The following GRM7 variants were observed in gnomAD, a reference collection of about 807,000 sequenced individuals.
GRM7 encodes glutamate metabotropic receptor 7.
GRM7 carries 35 observed loss-of-function variants against 84.5 expected under a neutral mutation model. The ratio of observed to expected loss-of-function variants is 0.41; its 90% confidence interval spans 0.32 to 0.55. The LOEUF (loss-of-function observed/expected upper bound fraction) is 0.55. Among genes scored for constraint, GRM7 ranks in the 20% least tolerant of loss-of-function variants. The pLI, the probability that GRM7 is intolerant of heterozygous loss-of-function variation, is 0.19. For synonymous variants in GRM7, 487 were observed against 455.1 expected (o/e 1.07, Z -0.89); for missense variants, 1,003 against 1,194.6 (o/e 0.84, Z 2.36).
At chr3:7,469,379 G>A (rs576131616) in intron 7 of GRM7, among the ~76,000 whole-genome samples, 42 of 152,194 alleles carry the variant, frequency 2.8e-4, no homozygotes, top group Admixed American at 1.1e-3. Context: ...AGAAAAGGAG[G>A]GAAAGAAATA....
chr3:7,240,124 T>TTTTTTTG (rs1559520726), intron 2 of GRM7, among the ~76,000 whole-genome samples: 2 of 132,288 alleles, frequency 1.5e-5, no homozygotes, highest in Non-Finnish European at 3.1e-5. Flanking sequence ...TGTGAGGTTT[T>TTTTTTTG]TTTTTTTTTT....
intron 9 of GRM7, among the ~76,000 whole-genome samples, chr3:7,737,459 G>A (rs976877451): frequency 2.0e-5 from 3 of 152,266 alleles, no homozygotes; most frequent in Admixed American, 2.0e-4. Flanking sequence ...CTTAGCAAGT[G>A]CTTCATTGCG....
intron 1 of GRM7, among the ~76,000 whole-genome samples, chr3:6,969,095 T>TC (rs1693637814): frequency 6.6e-6 from 1 of 150,524 alleles, no homozygotes; most frequent in African/African-American, 2.5e-5. Flanking sequence ...GGTGTTTTTT[T>TC]TTTCTTTCTT....
intron 8 of GRM7, among the ~76,000 whole-genome samples, chr3:7,679,419 T>C (rs1700268510): frequency 6.6e-6 from 1 of 152,120 alleles, no homozygotes. Flanking sequence ...TGCATCTCAT[T>C]AGTAATTTGA....
intron 1 of GRM7, among the ~76,000 whole-genome samples, chr3:7,087,726 T>C (rs549929275): frequency 6.6e-6 from 1 of 152,176 alleles, no homozygotes; most frequent in Non-Finnish European, 1.5e-5. Context: ...TTTATAGTTG[T>C]GGTACGAGGA....
intron 1 of GRM7, among the ~76,000 whole-genome samples, chr3:7,096,654 T>C (rs1399702702): frequency 6.6e-6 from 1 of 152,126 alleles, no homozygotes; most frequent in Non-Finnish European, 1.5e-5. Flanking sequence ...TCAACTCAAC[T>C]TACAGCCCTT....
chr3:7,290,592 C>G (rs1245247887), intron 2 of GRM7, among the ~76,000 whole-genome samples: 1 of 152,162 alleles, frequency 6.6e-6, no homozygotes, highest in Non-Finnish European at 1.5e-5. Flanking sequence ...AGGTGTGGTC[C>G]TCACTGGCAG....
chr3:7,483,546 A>T (rs1266485474), intron 7 of GRM7, among the ~76,000 whole-genome samples: 1 of 152,214 alleles, frequency 6.6e-6, no homozygotes, highest in Admixed American at 6.5e-5. Flanking sequence ...ACTCAGAGAT[A>T]GACAAAGGCC....
intron 7 of GRM7, among the ~76,000 whole-genome samples, chr3:7,479,377 C>T (rs914662857): frequency 6.6e-6 from 1 of 151,860 alleles, no homozygotes; most frequent in East Asian, 2.0e-4. Context: ...TTATACCTAA[C>T]AATAGCAAGA....
At chr3:7,250,480 T>C (rs2124937526) in intron 2 of GRM7, among the ~76,000 whole-genome samples, 2 of 151,552 alleles carry the variant, frequency 1.3e-5, no homozygotes, top group East Asian at 1.9e-4. Flanking sequence ...CCTATACACA[T>C]ATATATTTTT....
chr3:7,627,384 G>C (rs181867260), intron 8 of GRM7, among the ~76,000 whole-genome samples: 55 of 152,194 alleles, frequency 3.6e-4, no homozygotes, highest in African/African-American at 1.3e-3. Context: ...CTGTTTCAGA[G>C]GTTCTCATTA....
intron 5 of GRM7, among the ~76,000 whole-genome samples, chr3:7,451,608 T>G (rs1382067735): frequency 6.6e-6 from 1 of 152,142 alleles, no homozygotes; most frequent in Non-Finnish European, 1.5e-5. Context: ...CTGACAAGCC[T>G]GGGCCATCAT....
intron 2 of GRM7, among the ~76,000 whole-genome samples, chr3:7,250,531 G>A (rs58901625): frequency 1 from 151,292 of 151,302 alleles, 75,641 homozygotes; most frequent in Middle Eastern, 1. Flanking sequence ...TTATTATTTG[G>A]AAAAAATCCA....
intron 8 of GRM7, among the ~76,000 whole-genome samples, chr3:7,633,532 G>A (rs370558785): frequency 6.6e-6 from 1 of 152,164 alleles, no homozygotes; most frequent in East Asian, 1.9e-4. Context: ...TGCATAGCGG[G>A]GTGTGTGTGG....
At position 7,336,877 on chromosome 3, in the gene GRM7, G is replaced by A. The variant is rs867146954; in HGVS notation, c.1033+30225G>A. The stretch of plus-strand genomic sequence containing the variant: ...TCTACAAGGAAAACTACAAAACACT[G>A]CTGAAAAAAAATCATAGACAACACA... On this transcript the variant is annotated intron_variant, in intron 4 of 9. Transcript: ENST00000357716. Among the ~76,000 whole-genome samples the A allele has an allele frequency of 3.3e-5, 5 of 151,730 alleles. No individual in the cohort carries two copies. In the South Asian group the frequency reaches 8.3e-4, roughly 25 times the overall value.
intron 8 of GRM7, among the ~76,000 whole-genome samples, chr3:7,590,120 CCT>C (rs763050335): frequency 1.9e-4 from 29 of 152,264 alleles, no homozygotes; most frequent in African/African-American, 5.3e-4. Flanking sequence ...AGAATGTCCC[CCT>C]GTTATTTAAC....
intron 1 of GRM7, among the ~76,000 whole-genome samples, chr3:6,919,208 T>C (rs1374258811): frequency 6.6e-6 from 1 of 151,956 alleles, no homozygotes; most frequent in Non-Finnish European, 1.5e-5. Context: ...TTATTTTATT[T>C]TATTTTTTGA....
rs192597056 is a variant in GRM7 at position 6,954,798 on chromosome 3, G to A, written c.519+92891G>A. Among the ~76,000 whole-genome samples, 294 of 152,310 alleles carry A rather than the reference G, an allele frequency of 1.9e-3. 3 individuals are homozygous for A. Among genetic ancestry groups the A allele is most frequent in the Admixed American group, 4.1e-3 (62 of 15,292 alleles). ...TGTAAAGTACTTAGCAGAGAAGATG[G>A]TGTATAGTAAGTGCCTAATAAATGT... On this transcript the variant is annotated intron_variant, in intron 1 of 9. Coordinates refer to ENST00000357716, the MANE Select transcript of GRM7 (RefSeq NM_000844.4).
At chr3:7,573,258 TAA>T (rs67244448) in intron 7 of GRM7, among the ~76,000 whole-genome samples, 2 of 151,886 alleles carry the variant, frequency 1.3e-5, no homozygotes, top group Non-Finnish European at 2.9e-5. Flanking sequence ...GGCATTTTAA[TAA>T]AAAAAGTTCT....
Sources: allele counts gnomAD v4.1 joint callset (sites outside exome capture counted in the v4.1 genomes callset), GRCh38; gene constraint gnomAD v4.1.1; transcripts MANE v1.5; gene names NCBI Gene and HGNC (gene_info 2026-07-23, HGNC 2026-07-21).